TAOK3: variants seen among roughly 807,000 people sequenced by gnomAD.
TAOK3 encodes serine/threonine-protein kinase TAO3.
Under a neutral mutation model 120.4 loss-of-function variants are expected in TAOK3, and 40 were observed. That is an observed-to-expected ratio of 0.33 (90% CI 0.26 to 0.43). The LOEUF is 0.43. Among genes scored for constraint, TAOK3 ranks in the 20% least tolerant of loss-of-function variants. The probability of loss-of-function intolerance (pLI) is 1.00; values close to 1 mark genes in which losing one functional copy is unlikely to be tolerated. For synonymous variants in TAOK3, 355 were observed against 387.5 expected, an observed-to-expected ratio of 0.92 and a Z score of 0.99; for missense variants, 821 against 1,112.1, an observed-to-expected ratio of 0.74 and a Z score of 3.72.
At chr12:118,204,100 T>TA (rs1236553344) in intron 11 of TAOK3, among the ~76,000 whole-genome samples, 4 of 152,056 alleles carry the variant, frequency 2.6e-5, no homozygotes, top group African/African-American at 9.6e-5. Context: ...ACCCCGTCTC[T>TA]ACTAAAAACA....
At chr12:118,240,644 C>A (rs2040211618) in intron 5 of TAOK3, among the ~76,000 whole-genome samples, 1 of 152,034 alleles carries the variant, frequency 6.6e-6, no homozygotes, top group Admixed American at 6.6e-5. Context: ...GCACCTGGCC[C>A]TTCTTATCCT....
intron 1 of TAOK3, among the ~76,000 whole-genome samples, chr12:118,332,249 C>G (rs2044183958): frequency 6.6e-6 from 1 of 152,116 alleles, no homozygotes; most frequent in African/African-American, 2.4e-5. Context: ...TTTTCTTCTC[C>G]TTATCCACCT....
intron 13 of TAOK3, 135 bp from the exon 14 acceptor site, chr12:118,190,076 C>T: frequency 1.8e-6 from 2 of 1,111,954 alleles, no homozygotes; most frequent in Non-Finnish European, 2.6e-6. Context: ...GTCCCCGCAG[C>T]TCCCACGGTA....
At chr12:118,204,639 A>G (rs1565944132) in intron 11 of TAOK3, among the ~76,000 whole-genome samples, 1 of 152,236 alleles carries the variant, frequency 6.6e-6, no homozygotes, top group Middle Eastern at 3.2e-3. Context: ...TTCCTCCTCT[A>G]GTGCTTACAA....
intron 9 of TAOK3, among the ~76,000 whole-genome samples, chr12:118,216,816 C>T (rs2139553534): frequency 6.6e-6 from 1 of 151,382 alleles, no homozygotes; most frequent in African/African-American, 2.4e-5. Flanking sequence ...GTAGTTCCAG[C>T]TACTTGGGAG....
chr12:118,163,648 G>T (rs1222953971), intron 17 of TAOK3, among the ~76,000 whole-genome samples: 1 of 151,866 alleles, frequency 6.6e-6, no homozygotes, highest in East Asian at 1.9e-4. Flanking sequence ...TTGGATAAGT[G>T]ATGAATGCTA....
At chr12:118,291,148 G>A (rs1027845768) in intron 1 of TAOK3, among the ~76,000 whole-genome samples, 12 of 151,280 alleles carry the variant, frequency 7.9e-5, no homozygotes, top group African/African-American at 2.9e-4. Context: ...GAGCCACCGC[G>A]CCCGGCCGGG....
At chr12:118,172,065 A>G (rs1201765332) in intron 17 of TAOK3, among the ~76,000 whole-genome samples, 2 of 152,216 alleles carry the variant, frequency 1.3e-5, no homozygotes, top group African/African-American at 4.8e-5. Flanking sequence ...GATGGAATAA[A>G]TGCACTTAGT....
chr12:118,189,334 T>C (rs991801114), intron 14 of TAOK3, among the ~76,000 whole-genome samples: 1 of 152,176 alleles, frequency 6.6e-6, no homozygotes, highest in Non-Finnish European at 1.5e-5. Flanking sequence ...GATGTGTGTG[T>C]ATACATTATA....
intron 7 of TAOK3, 95 bp from the exon 8 acceptor site, chr12:118,235,766 AAACG>A (rs754648742): frequency 5.8e-5 from 44 of 758,008 alleles, no homozygotes; most frequent in Non-Finnish European, 8.7e-5. Flanking sequence ...AAGTTTATTT[AAACG>A]AACAAACAAA....
chr12:118,222,558 T>C (rs889679698), intron 9 of TAOK3, among the ~76,000 whole-genome samples: 1 of 147,742 alleles, frequency 6.8e-6, no homozygotes, highest in Non-Finnish European at 1.5e-5. Flanking sequence ...AGAAAGAAAA[T>C]GTGGTATATA....
At chr12:118,257,596 A>T (rs1332535728) in intron 2 of TAOK3, among the ~76,000 whole-genome samples, 1 of 152,180 alleles carries the variant, frequency 6.6e-6, no homozygotes, top group African/African-American at 2.4e-5. Flanking sequence ...TAACCAAGAT[A>T]GAAATTTGGT....
At chr12:118,301,251 T>C (rs779887632) in intron 1 of TAOK3, among the ~76,000 whole-genome samples, 2 of 152,168 alleles carry the variant, frequency 1.3e-5, no homozygotes, top group Non-Finnish European at 2.9e-5. Flanking sequence ...CAAATGTCAC[T>C]GTCAAGCAAA....
intron 1 of TAOK3, among the ~76,000 whole-genome samples, chr12:118,347,255 C>G (rs1034223398): frequency 2.6e-5 from 4 of 152,144 alleles, no homozygotes; most frequent in Admixed American, 6.5e-5. Context: ...TCTGGCAATC[C>G]TTCTACTTAG....
chr12:118,206,241 G>A (rs2038303792), intron 11 of TAOK3, among the ~76,000 whole-genome samples: 1 of 152,152 alleles, frequency 6.6e-6, no homozygotes. Context: ...AAAGAGCTTG[G>A]GTCGATGACG....
chr12:118,256,366 C>A (rs541784407), intron 2 of TAOK3, among the ~76,000 whole-genome samples: 1 of 152,006 alleles, frequency 6.6e-6, no homozygotes, highest in Non-Finnish European at 1.5e-5. Flanking sequence ...ACTTAAATAC[C>A]GAGTTACCAT....
At chr12:118,332,975 A>AACACACACACACACACAC (rs146893418) in intron 1 of TAOK3, among the ~76,000 whole-genome samples, 2,886 of 149,704 alleles carry the variant, frequency 0.019, 47 homozygotes, top group African/African-American at 0.033. Flanking sequence ...CAACAGTTTC[A>AACACACACACACACACAC]ACACACACAC....
intron 9 of TAOK3, among the ~76,000 whole-genome samples, chr12:118,224,021 C>T (rs1026566878): frequency 6.6e-6 from 1 of 152,202 alleles, no homozygotes; most frequent in South Asian, 2.1e-4. Flanking sequence ...TTACTGAATT[C>T]CTACTATATG....
At chr12:118,229,099 T>C (rs1217829473) in intron 9 of TAOK3, among the ~76,000 whole-genome samples, 1 of 151,906 alleles carries the variant, frequency 6.6e-6, no homozygotes, top group African/African-American at 2.4e-5. Flanking sequence ...TTTTCTTTTT[T>C]TTCCTTTTTT....
Sources: allele counts gnomAD v4.1 joint callset (sites outside exome capture counted in the v4.1 genomes callset), GRCh38; gene constraint gnomAD v4.1.1; transcripts MANE v1.5; gene names NCBI Gene and HGNC (gene_info 2026-07-23, HGNC 2026-07-21).